The following PPP2CA variants were observed in gnomAD, a reference collection of about 807,000 sequenced individuals.
PPP2CA encodes protein phosphatase 2 catalytic subunit alpha.
PPP2CA carries 5 observed loss-of-function variants against 38.8 expected under a neutral mutation model. The observed-to-expected ratio is 0.13, with a 90% CI of 0.07 to 0.27. The LOEUF (loss-of-function observed/expected upper bound fraction) is 0.27. Among genes scored for constraint, PPP2CA ranks in the 10% least tolerant of loss-of-function variants. The probability of loss-of-function intolerance (pLI) is 1.00; values close to 1 mark genes in which losing one functional copy is unlikely to be tolerated. For missense variants in PPP2CA, 88 were observed against 389.7 expected, an observed-to-expected ratio of 0.23 and a Z score of 6.52; for synonymous variants, 152 against 134.0, an observed-to-expected ratio of 1.13 and a Z score of -0.93.
intron 2 of PPP2CA, 75 bp from the exon 3 acceptor site, chr5:134,202,096 GA>G (rs1477372317): frequency 2.1e-6 from 3 of 1,426,986 alleles, no homozygotes; most frequent in South Asian, 1.4e-5. Context: ...ACTTTCTATA[GA>G]AAAAAATGCA....
At chr5:134,211,476 ATTTT>A (rs59314759) in intron 1 of PPP2CA, among the ~76,000 whole-genome samples, 3 of 131,772 alleles carry the variant, frequency 2.3e-5, no homozygotes, top group Non-Finnish European at 1.6e-5. Flanking sequence ...ATGGAAGACA[ATTTT>A]TTTTTTTTTT....
intron 1 of PPP2CA, among the ~76,000 whole-genome samples, chr5:134,212,121 A>G (rs1168686653): frequency 6.6e-6 from 1 of 151,528 alleles, no homozygotes; most frequent in Non-Finnish European, 1.5e-5. Flanking sequence ...CATCTCAAAA[A>G]TAGTAATTTC....
At chr5:134,199,241 C>T in intron 5 of PPP2CA, 37 bp from the exon 6 acceptor site, 1 of 1,459,456 alleles carries the variant, frequency 6.9e-7, no homozygotes, top group Non-Finnish European at 9.6e-7. Flanking sequence ...TACTTTACTC[C>T]CTCAATTCAA....
At position 134,225,968 on chromosome 5, in the gene PPP2CA, G is replaced by T; in HGVS notation, c.-107C>A. On this transcript the variant is annotated 5_prime_UTR_variant, in exon 1 of 7. Coordinates refer to ENST00000481195, the MANE Select transcript of PPP2CA (RefSeq NM_002715.4). ...CGCCGGTTCCTCGTGTACTTCTGGC[G>T]GCTGTTGAGGCTGGCGCTGGCCCGC... is the stretch of plus-strand genomic sequence containing the variant. 9.8e-7 allele frequency: 1 copy of T among 1,022,470 alleles called. No homozygotes were observed. The highest frequency in any genetic ancestry group is 1.4e-6 in the Non-Finnish European group (1 of 699,746). 63.3% of individuals were successfully genotyped at this position (1,022,470 alleles called of 1,614,324 possible).
At chr5:134,209,809 G>C (rs1044444964) in intron 1 of PPP2CA, among the ~76,000 whole-genome samples, 1 of 151,892 alleles carries the variant, frequency 6.6e-6, no homozygotes, top group Non-Finnish European at 1.5e-5. Context: ...CGAGTGCAGC[G>C]GCTCATGCCT....
intron 1 of PPP2CA, chr5:134,224,147 T>C: frequency 2.8e-6 from 1 of 352,356 alleles, no homozygotes; most frequent in Non-Finnish European, 5.5e-6. Context: ...TATAATGCAC[T>C]GAATTCCAAA....
In PPP2CA at chr5:134,196,373, T is replaced by TA. The variant is rs1482059054; in HGVS notation, c.*1398dup. Reference sequence around the variant, plus strand: ...TAGTTCCCACAGAAGAACTTTTTTTTAAACATCTAATCCTATTCGAAGGAT... The same window carrying TA: ...TAGTTCCCACAGAAGAACTTTTTTTTAAAACATCTAATCCTATTCGAAGGAT... On this transcript the variant is annotated 3_prime_UTR_variant, in exon 7 of 7. Coordinates refer to ENST00000481195, the MANE Select transcript of PPP2CA (RefSeq NM_002715.4). The TA allele has an allele frequency of 6.6e-6, 1 of 152,214 alleles. No individual in the cohort carries two copies. Among genetic ancestry groups the TA allele is most frequent in the Admixed American group, 6.5e-5 (1 of 15,280 alleles). The allele number at this position is 152,214 out of a possible 1,614,324, so 9.4% of individuals were successfully genotyped here.
chr5:134,225,865 G>A lies in PPP2CA; in HGVS notation c.-4C>T, dbSNP rs767457962. The A allele has an allele frequency of 6.2e-7, 1 of 1,604,626 alleles. No homozygotes were observed. Reference sequence around the variant, plus strand: ...TGGTGAACACCTTCTCGTCCATGATGCCACCCGCCCCAGCCGGCTGCCGCT... The same window carrying A: ...TGGTGAACACCTTCTCGTCCATGATACCACCCGCCCCAGCCGGCTGCCGCT... On this transcript the variant is annotated 5_prime_UTR_variant, in exon 1 of 7. Coordinates refer to ENST00000481195, the MANE Select transcript of PPP2CA (RefSeq NM_002715.4).
At chr5:134,203,494 C>T (rs1762010443) in intron 2 of PPP2CA, 1 of 152,216 alleles carries the variant, frequency 6.6e-6, no homozygotes, top group Non-Finnish European at 1.5e-5. Flanking sequence ...CTTCTGATGG[C>T]CTCTCTCCTT....
intron 5 of PPP2CA, 138 bp downstream of exon 5, chr5:134,200,197 G>A (rs2149382938): frequency 2.2e-6 from 2 of 897,012 alleles, no homozygotes; most frequent in South Asian, 2.6e-5. Flanking sequence ...CTACTGAAAA[G>A]GCTCAGGCTA....
intron 2 of PPP2CA, 104 bp downstream of exon 2, chr5:134,205,818 A>C: frequency 1.0e-6 from 1 of 993,534 alleles, no homozygotes; most frequent in Non-Finnish European, 1.5e-6. Flanking sequence ...TAAATGTGGA[A>C]TTTTGTTTTA....
intron 1 of PPP2CA, among the ~76,000 whole-genome samples, chr5:134,211,509 T>C (rs1408230975): frequency 6.7e-6 from 1 of 150,104 alleles, no homozygotes; most frequent in East Asian, 2.0e-4. Flanking sequence ...AGAGTTTCGC[T>C]CTTGTTGCGC....
At position 134,225,844 on chromosome 5, in the gene PPP2CA, G is replaced by A. The variant is rs146757680; in HGVS notation, c.18C>T (p.Phe6=). The A allele has an allele frequency of 3.7e-6, 6 of 1,608,836 alleles. No homozygotes were observed. Among genetic ancestry groups the A allele is most frequent in the African/African-American group, 1.3e-5 (1 of 74,516 alleles). Residue 6 remains phenylalanine (F), a synonymous_variant, in exon 1 of 7, where the codon TTC becomes TTT. Transcript: ENST00000481195. MDEKV[F]TKELDQWIEQ... ...CGATCCACTGGTCCAGCTCCTTGGT[G>A]AACACCTTCTCGTCCATGATGCCAC...
chr5:134,215,634 T>C (rs1762300633), intron 1 of PPP2CA, among the ~76,000 whole-genome samples: 1 of 152,096 alleles, frequency 6.6e-6, no homozygotes. Context: ...AGACAGGGTC[T>C]CACTATGCTG....
chr5:134,199,725 C>T (rs1761934143), intron 5 of PPP2CA, among the ~76,000 whole-genome samples: 1 of 152,162 alleles, frequency 6.6e-6, no homozygotes, highest in Non-Finnish European at 1.5e-5. Flanking sequence ...AGCCTCATTT[C>T]CTCAAAGTCC....
intron 1 of PPP2CA, among the ~76,000 whole-genome samples, chr5:134,211,933 C>G (rs962465684): frequency 6.6e-6 from 1 of 152,002 alleles, no homozygotes; most frequent in African/African-American, 2.4e-5. Context: ...GCCTGGCCAA[C>G]ATGGTGAAAC....
intron 3 of PPP2CA, 21 bp downstream of exon 3, chr5:134,201,827 A>C (rs1761972721): frequency 6.2e-7 from 1 of 1,606,900 alleles, no homozygotes; most frequent in African/African-American, 1.3e-5. Context: ...ATAATCAGCA[A>C]TGAGTTTTAG....
At chr5:134,199,578 A>AT (rs1172006452) in intron 5 of PPP2CA, 1 of 163,496 alleles carries the variant, frequency 6.1e-6, no homozygotes, top group Admixed American at 6.1e-5. Context: ...AAGAATAAGT[A>AT]TTTAAGTGGC....
At chr5:134,224,419 C>T in intron 1 of PPP2CA, 1 of 386,812 alleles carries the variant, frequency 2.6e-6, no homozygotes, top group Non-Finnish European at 5.0e-6. Flanking sequence ...CAATTGTTCA[C>T]AACATGGTTT....
Sources: gnomAD v4.1 joint callset for allele counts (sites outside exome capture counted in the v4.1 genomes callset) on GRCh38, gnomAD v4.1.1 for gene constraint, MANE v1.5 for transcripts, NCBI Gene and HGNC (gene_info 2026-07-23, HGNC 2026-07-21) for gene names.